Variants in ROBO2 observed in about 807,000 individuals in gnomAD.
ROBO2 encodes roundabout homolog 2.
ROBO2 carries 53 observed loss-of-function variants against 160.8 expected under a neutral mutation model. The observed-to-expected ratio is 0.33, with a 90% CI of 0.26 to 0.41. The LOEUF is 0.41. Among genes scored for constraint, ROBO2 ranks in the 10% least tolerant of loss-of-function variants. The pLI, the probability that ROBO2 is intolerant of heterozygous loss-of-function variation, is 1.00. For missense variants in ROBO2, 1,577 were observed against 1,722.4 expected, an observed-to-expected ratio of 0.92 and a Z score of 1.49; for synonymous variants, 664 against 611.7, an observed-to-expected ratio of 1.09 and a Z score of -1.26.
At chr3:77,012,751 C>T (rs1282953782) in intron 2 of ROBO2, among the ~76,000 whole-genome samples, 1 of 152,188 alleles carries the variant, frequency 6.6e-6, no homozygotes, top group Non-Finnish European at 1.5e-5. Flanking sequence ...TGGCACAGAA[C>T]TACTGAATTC....
In ROBO2 at chr3:77,204,151, C is replaced by A. The variant is rs1271472655; in HGVS notation, c.388+105811C>A. On this transcript the variant is annotated intron_variant, in intron 2 of 25. Coordinates refer to ENST00000461745, the Ensembl canonical transcript of ROBO2. ...TTTTGAGTTAGGGCTCCCAGCAAAA[C>A]CTGGTTTAATTCTTCAGTATCCTAG... Among the ~76,000 whole-genome samples the A allele has an allele frequency of 2.0e-5, 3 of 152,202 alleles. No homozygotes were observed. In the East Asian group the frequency reaches 5.8e-4, roughly 29 times the overall value.
At chr3:77,122,127 G>A (rs190613183) in intron 2 of ROBO2, among the ~76,000 whole-genome samples, 108 of 152,254 alleles carry the variant, frequency 7.1e-4, no homozygotes, top group African/African-American at 2.4e-3. Flanking sequence ...AAAGTGCAAC[G>A]AGACTTTCTG....
chr3:76,527,076 T>C (rs2081985536), intron 2 of ROBO2, among the ~76,000 whole-genome samples: 1 of 152,098 alleles, frequency 6.6e-6, no homozygotes, highest in African/African-American at 2.4e-5. Context: ...TGGAATTTTA[T>C]TTTTCTACTT....
chr3:77,250,834 T>TA, intron 2 of ROBO2, among the ~76,000 whole-genome samples: 1 of 152,244 alleles, frequency 6.6e-6, no homozygotes, highest in Non-Finnish European at 1.5e-5. Flanking sequence ...CCACTATAAC[T>TA]AAGTCACTCC....
chr3:76,963,609 C>A (rs2079829472), intron 2 of ROBO2, among the ~76,000 whole-genome samples: 1 of 151,966 alleles, frequency 6.6e-6, no homozygotes, highest in Non-Finnish European at 1.5e-5. Context: ...TCTGTGTAAA[C>A]TTTTACAGAC....
At chr3:76,251,353 G>C (rs1705987213) in intron 2 of ROBO2, among the ~76,000 whole-genome samples, 1 of 152,004 alleles carries the variant, frequency 6.6e-6, no homozygotes, top group East Asian at 1.9e-4. Context: ...AGATGAGTTG[G>C]TCTCCTTTGC....
chr3:77,225,903 A>G (rs955602538), intron 2 of ROBO2, among the ~76,000 whole-genome samples: 1 of 152,032 alleles, frequency 6.6e-6, no homozygotes, highest in African/African-American at 2.4e-5. Flanking sequence ...GATGTTCAAG[A>G]TGTTTAATTT....
At position 76,215,661 on chromosome 3, in the gene ROBO2, G is replaced by C. The variant is rs185251859; in HGVS notation, c.109+278059G>C. Among the ~76,000 whole-genome samples, 326 of 152,308 alleles carry C rather than the reference G, an allele frequency of 2.1e-3. 1 individual carries two copies. The highest frequency in any genetic ancestry group is 3.9e-3 in the Non-Finnish European group (266 of 68,026). On this transcript the variant is annotated intron_variant, in intron 2 of 26. Transcript: ENST00000487694. ...GACTCCAAGAAATATGGGACTATGT[G>C]AAAAGACCAAATCTATGTCTAATTG...
At chr3:76,089,276 A>G (rs1216986486) in intron 2 of ROBO2, among the ~76,000 whole-genome samples, 1 of 152,084 alleles carries the variant, frequency 6.6e-6, no homozygotes, top group Non-Finnish European at 1.5e-5. Context: ...AATTATGCCA[A>G]TTCTCCACAG....
chr3:76,878,576 C>T (rs1173330238), intron 2 of ROBO2, among the ~76,000 whole-genome samples: 3 of 152,112 alleles, frequency 2.0e-5, no homozygotes, highest in Admixed American at 1.3e-4. Context: ...ATAAGAAAAT[C>T]TGACCTAAGA....
intron 2 of ROBO2, among the ~76,000 whole-genome samples, chr3:76,873,555 G>C (rs1256615841): frequency 6.6e-6 from 1 of 152,122 alleles, no homozygotes; most frequent in Non-Finnish European, 1.5e-5. Flanking sequence ...GAAGTTAGTA[G>C]TTAGTAGTAG....
In ROBO2 at chr3:76,945,607, C is replaced by T. The variant is rs896063474; in HGVS notation, c.110-152407C>T. The stretch of plus-strand genomic sequence containing the variant: ...ATCAGTCCATTTGAAGTCGTTTCAC[C>T]GCTCACTGATACAATTAGTTGTTTA... On this transcript the variant is annotated intron_variant, in intron 2 of 26. Coordinates refer to the ROBO2 transcript ENST00000487694. Among the ~76,000 whole-genome samples the T allele has an allele frequency of 1.4e-4, 22 of 152,262 alleles. 1 individual carries two copies. Among genetic ancestry groups the T allele is most frequent in the African/African-American group, 3.6e-4 (15 of 41,550 alleles).
chr3:76,763,130 A>G (rs1023108143), intron 2 of ROBO2, among the ~76,000 whole-genome samples: 4 of 151,556 alleles, frequency 2.6e-5, no homozygotes, highest in Non-Finnish European at 5.9e-5. Context: ...ACAATTGAAA[A>G]TACTATCTTT....
intron 2 of ROBO2, among the ~76,000 whole-genome samples, chr3:76,011,995 C>A (rs1354168962): frequency 6.6e-6 from 1 of 152,116 alleles, no homozygotes; most frequent in Non-Finnish European, 1.5e-5. Context: ...AGATTCAAAG[C>A]CCAGTTCAAT....
At chr3:76,340,351 A>G (rs972157219) in intron 2 of ROBO2, among the ~76,000 whole-genome samples, 3 of 152,084 alleles carry the variant, frequency 2.0e-5, no homozygotes, top group Non-Finnish European at 4.4e-5. Flanking sequence ...AGTATCCAAC[A>G]TTTCACCTCC....
At chr3:76,994,054 A>G (rs548727493) in intron 2 of ROBO2, among the ~76,000 whole-genome samples, 2 of 150,308 alleles carry the variant, frequency 1.3e-5, no homozygotes, top group East Asian at 4.0e-4. Flanking sequence ...TCACTCCGTA[A>G]TTTGGTGAGA....
chr3:76,763,246 A>C (rs1478680975), intron 2 of ROBO2, among the ~76,000 whole-genome samples: 1 of 151,752 alleles, frequency 6.6e-6, no homozygotes, highest in Non-Finnish European at 1.5e-5. Flanking sequence ...CATTTGTCTA[A>C]TGATGCCAAC....
At chr3:77,480,535 T>C (rs1376355029) in intron 3 of ROBO2, among the ~76,000 whole-genome samples, 3 of 152,100 alleles carry the variant, frequency 2.0e-5, no homozygotes, top group African/African-American at 7.2e-5. Context: ...CAACCTGCCA[T>C]TTTCTCCAAG....
chr3:77,112,775 A>G (rs188309936), intron 2 of ROBO2, among the ~76,000 whole-genome samples: 10 of 152,330 alleles, frequency 6.6e-5, no homozygotes, highest in African/African-American at 2.4e-4. Context: ...TGATTATGCT[A>G]TATGTGTTCT....
Sources: allele counts gnomAD v4.1 joint callset (sites outside exome capture counted in the v4.1 genomes callset), GRCh38; gene constraint gnomAD v4.1.1; transcripts MANE v1.5; gene names NCBI Gene and HGNC (gene_info 2026-07-23, HGNC 2026-07-21).